Variants in CLIC5 observed in about 807,000 individuals in gnomAD.
CLIC5 encodes chloride intracellular channel protein 5.
In CLIC5, 20 loss-of-function variants were observed where a neutral mutation model predicts 24.7. The observed-to-expected ratio is 0.81, with a 90% CI of 0.57 to 1.18. The LOEUF (loss-of-function observed/expected upper bound fraction) is 1.18. Ranked by LOEUF, CLIC5 falls within the 50% of genes most tolerant of loss-of-function variation. The pLI, the probability that CLIC5 is intolerant of heterozygous loss-of-function variation, is 0.00. For missense variants in CLIC5, 341 were observed against 326.1 expected (o/e 1.05, Z -0.35); for synonymous variants, 159 against 135.6 (o/e 1.17, Z -1.20).
chr6:46,086,790 T>C, the CLIC5 span, among the ~76,000 whole-genome samples: 1 of 152,138 alleles, frequency 6.6e-6, no homozygotes, highest in African/African-American at 2.4e-5. Flanking sequence ...ATATCCCCCA[T>C]TTTGATATGG....
chr6:46,012,370 G>T (rs1283464827), intron 1 of CLIC5, among the ~76,000 whole-genome samples: 1 of 152,188 alleles, frequency 6.6e-6, no homozygotes. Flanking sequence ...TGGGACATTA[G>T]AATCAGAGTT....
At chr6:45,951,467 T>C (rs1764465757) in intron 2 of CLIC5, among the ~76,000 whole-genome samples, 1 of 152,042 alleles carries the variant, frequency 6.6e-6, no homozygotes, top group African/African-American at 2.4e-5. Context: ...CCAAGTGCAG[T>C]GGAAAGGAAA....
At chr6:46,101,513 G>A in the CLIC5 span, among the ~76,000 whole-genome samples, 1 of 152,210 alleles carries the variant, frequency 6.6e-6, no homozygotes, top group Non-Finnish European at 1.5e-5. Context: ...GCTGAGAAAA[G>A]CAGAATCAAA....
rs1762468524 is a variant in CLIC5, at chr6:45,900,009, T to C, written c.*3079A>G. 6.6e-6 allele frequency: 1 copy of C among 152,232 alleles called. No individual in the cohort carries two copies. The highest frequency in any genetic ancestry group is 1.5e-5 in the Non-Finnish European group (1 of 68,044). The allele number at this position is 152,232 out of a possible 1,614,324, so 9.4% of individuals were successfully genotyped here. ...TTTATCAAGCATTTGACTTTCTTTATCAGGAGATGAAGAAACTGTGCTTTG... is the reference window on the plus strand; with the variant it reads ...TTTATCAAGCATTTGACTTTCTTTACCAGGAGATGAAGAAACTGTGCTTTG... On this transcript the variant is annotated 3_prime_UTR_variant, in exon 6 of 6. Coordinates refer to ENST00000339561, the MANE Select transcript of CLIC5 (RefSeq NM_016929.5).
intron 5 of CLIC5, among the ~76,000 whole-genome samples, chr6:45,912,945 G>T (rs1338440096): frequency 6.6e-6 from 1 of 152,228 alleles, no homozygotes; most frequent in Non-Finnish European, 1.5e-5. Flanking sequence ...GGAAACACCA[G>T]TGTACACACA....
In CLIC5 at chr6:45,989,731, A is replaced by G. The variant is rs572557591; in HGVS notation, c.63+25749T>C. Among the ~76,000 whole-genome samples the G allele has an allele frequency of 5.3e-5, 8 of 152,310 alleles. No homozygotes were observed. In the South Asian group the frequency reaches 1.0e-3, roughly 20 times the overall value. On this transcript the variant is annotated intron_variant, in intron 1 of 5. Coordinates refer to ENST00000339561, the MANE Select transcript of CLIC5 (RefSeq NM_016929.5). ...TAGGCATCCCATTAAAGATACCAAA[A>G]TTCCCCAATGGGCAGAGTTGCAGGG...
rs541378969 is a variant in CLIC5 at position 45,990,337 on chromosome 6, A to G, written c.63+25143T>C. 1.4e-4 allele frequency among the ~76,000 whole-genome samples: 22 copies of G among 152,322 alleles called. No individual in the cohort carries two copies. The South Asian group carries it at 4.3e-3, about 30-fold the overall frequency. ...CTAGTTTCCATTCCAGCAATAGGTC[A>G]GTGAGTTAGGGGCAGCTAAAAATAT... On this transcript the variant is annotated intron_variant, in intron 1 of 5. Transcript: ENST00000339561.
intron 1 of CLIC5, among the ~76,000 whole-genome samples, chr6:45,968,145 T>C (rs1765077993): frequency 6.6e-6 from 1 of 152,206 alleles, no homozygotes; most frequent in South Asian, 2.1e-4. Context: ...CAAATGCTCA[T>C]CTTCTGGGGG....
chr6:46,006,013 T>TATACAC (rs1201368256), intron 1 of CLIC5, among the ~76,000 whole-genome samples: 1 of 126,168 alleles, frequency 7.9e-6, no homozygotes, highest in African/African-American at 2.6e-5. Flanking sequence ...TATATATATA[T>TATACAC]ATACACACAT....
intron 4 of CLIC5, 122 bp downstream of exon 4, chr6:45,941,425 G>A: frequency 1.3e-6 from 1 of 770,752 alleles, no homozygotes; most frequent in Non-Finnish European, 2.3e-6. Context: ...CAAATAATAA[G>A]CAGTATTGGT....
the CLIC5 span, among the ~76,000 whole-genome samples, chr6:46,124,524 T>A: frequency 6.6e-6 from 1 of 152,216 alleles, no homozygotes; most frequent in South Asian, 2.1e-4. Flanking sequence ...GGGCAAGGAC[T>A]TCATGTCTGA....
chr6:45,986,715 T>G (rs540845027), intron 1 of CLIC5, among the ~76,000 whole-genome samples: 18 of 152,248 alleles, frequency 1.2e-4, no homozygotes, highest in Non-Finnish European at 1.6e-4. Flanking sequence ...CTGTTTGGTT[T>G]TCAGAGCTGA....
At chr6:45,960,670 A>G (rs1031180174) in intron 1 of CLIC5, among the ~76,000 whole-genome samples, 1 of 152,198 alleles carries the variant, frequency 6.6e-6, no homozygotes, top group African/African-American at 2.4e-5. Flanking sequence ...CAGCCGGCCT[A>G]TGGCCAGTGT....
intron 4 of CLIC5, among the ~76,000 whole-genome samples, chr6:45,935,016 G>A (rs76106855): frequency 0.017 from 2,577 of 152,268 alleles, 91 homozygotes; most frequent in African/African-American, 0.059. Context: ...GAGAGATTGT[G>A]GAAAATAAAG....
intron 4 of CLIC5, among the ~76,000 whole-genome samples, chr6:45,914,703 A>G (rs939333781): frequency 6.6e-6 from 1 of 152,002 alleles, no homozygotes; most frequent in African/African-American, 2.4e-5. Flanking sequence ...CTGTAACCCC[A>G]GCACTTTGGG....
intron 1 of CLIC5, among the ~76,000 whole-genome samples, chr6:45,959,601 C>T (rs545767148): frequency 9.2e-4 from 136 of 148,030 alleles, no homozygotes; most frequent in Non-Finnish European, 1.5e-3. Flanking sequence ...TGCAGTGGCG[C>T]GATCTCAGCT....
chr6:46,035,930 A>G (rs1581887265), intron 1 of CLIC5, among the ~76,000 whole-genome samples: 3 of 152,006 alleles, frequency 2.0e-5, no homozygotes, highest in Middle Eastern at 6.8e-3. Flanking sequence ...TATTTTTAGT[A>G]GAGATGGGGT....
intron 1 of CLIC5, among the ~76,000 whole-genome samples, chr6:45,955,894 T>C (rs1017969374): frequency 2.0e-5 from 3 of 152,180 alleles, no homozygotes; most frequent in African/African-American, 7.2e-5. Flanking sequence ...CATTCATTTG[T>C]TACACTTTTA....
intron 1 of CLIC5, among the ~76,000 whole-genome samples, chr6:46,047,590 A>G (rs1382628768): frequency 6.6e-6 from 1 of 152,260 alleles, no homozygotes. Context: ...ATAATGCAAC[A>G]TATACAATAA....
Sources: allele counts gnomAD v4.1 joint callset (sites outside exome capture counted in the v4.1 genomes callset), GRCh38; gene constraint gnomAD v4.1.1; transcripts MANE v1.5; gene names NCBI Gene and HGNC (gene_info 2026-07-23, HGNC 2026-07-21).